The following OXR1 variants were observed in gnomAD, a reference collection of about 807,000 sequenced individuals.
OXR1 encodes the protein oxidation resistance 1, also known as oxidation resistance protein 1.
In OXR1, 41 loss-of-function variants were observed where a neutral mutation model predicts 104.6. The ratio of observed to expected loss-of-function variants is 0.39; its 90% CI spans 0.31 to 0.51. The LOEUF (loss-of-function observed/expected upper bound fraction) is 0.51, where lower values mean the gene tolerates loss of function less well. OXR1 is among the 20% of genes least tolerant of loss of function. The pLI is 0.77. For synonymous variants in OXR1, 348 were observed against 348.4 expected (o/e 1.00, Z 0.01); for missense variants, 955 against 1,031.9 (o/e 0.93, Z 1.02).
At chr8:106,674,220 A>C (rs1234138610) in intron 3 of OXR1, among the ~76,000 whole-genome samples, 1 of 152,212 alleles carries the variant, frequency 6.6e-6, no homozygotes, top group Non-Finnish European at 1.5e-5. Flanking sequence ...GGAACTGCTC[A>C]AGGCCATGGG....
chr8:106,619,702 G>A lies in OXR1; in HGVS notation c.221-59508G>A, dbSNP rs565090112. ...AAAAATTTTTAGTATTAAACATGGA[G>A]CTGTCAACGCTATAAAAATGTATGA... On this transcript the variant is annotated intron_variant, in intron 3 of 16. Coordinates refer to ENST00000517566, the MANE Select transcript of OXR1 (RefSeq NM_001198533.2). 2.2e-4 allele frequency among the ~76,000 whole-genome samples: 34 copies of A among 152,218 alleles called. 1 individual carries two copies. The South Asian group carries it at 7.1e-3, about 32-fold the overall frequency.
intron 3 of OXR1, among the ~76,000 whole-genome samples, chr8:106,617,315 C>T (rs2045788): frequency 0.6 from 91,011 of 151,938 alleles, 28,339 homozygotes; most frequent in African/African-American, 0.79. Context: ...CCCAGCTCCT[C>T]AGGAGGCTGA....
intron 2 of OXR1, among the ~76,000 whole-genome samples, chr8:106,449,522 T>C (rs75029817): frequency 0.022 from 3,378 of 152,298 alleles, 70 homozygotes; most frequent in East Asian, 0.084. Context: ...CCTGCAAAGT[T>C]TGTATTGTTA....
rs1367124392 is a variant in OXR1 at position 106,358,878 on chromosome 8, A to AGT, written c.-138-598_-138-597insGT. ...ATTTAATTCACTAAATAATTTAGTG[A>AGT]ATAATTTAATTCACTAAATAATTTA... On this transcript the variant is annotated intron_variant, in intron 1 of 16. Transcript: ENST00000517566. Among the ~76,000 whole-genome samples, 102 of 152,156 alleles carry AGT rather than the reference A, an allele frequency of 6.7e-4. 1 individual carries two copies. The highest frequency in any genetic ancestry group is 2.4e-4 in the Non-Finnish European group (16 of 67,960).
At chr8:106,643,010 G>A (rs1823787698) in intron 3 of OXR1, among the ~76,000 whole-genome samples, 1 of 152,158 alleles carries the variant, frequency 6.6e-6, no homozygotes, top group African/African-American at 2.4e-5. Flanking sequence ...CATCCTTGAA[G>A]GTGTCAGTTG....
intron 3 of OXR1, among the ~76,000 whole-genome samples, chr8:106,523,563 A>T (rs968099388): frequency 2.0e-5 from 3 of 152,134 alleles, no homozygotes; most frequent in Admixed American, 1.3e-4. Flanking sequence ...TCATTTTTTT[A>T]AAATACAGTC....
At chr8:106,302,548 T>C (rs1813284015) in intron 1 of OXR1, among the ~76,000 whole-genome samples, 1 of 146,356 alleles carries the variant, frequency 6.8e-6, no homozygotes, top group African/African-American at 2.6e-5. Flanking sequence ...ATCGCGCCAG[T>C]GCACTCCAGC....
At chr8:106,500,950 C>G (rs1811770250) in intron 2 of OXR1, among the ~76,000 whole-genome samples, 1 of 152,098 alleles carries the variant, frequency 6.6e-6, no homozygotes, top group Non-Finnish European at 1.5e-5. Context: ...GATAAGTCGT[C>G]TGAAGAAAAC....
intron 1 of OXR1, among the ~76,000 whole-genome samples, chr8:106,336,683 A>G (rs1814981667): frequency 1.3e-5 from 2 of 152,184 alleles, no homozygotes; most frequent in Admixed American, 6.5e-5. Context: ...CAAGCCCCAG[A>G]TATTGACTTC....
intron 2 of OXR1, among the ~76,000 whole-genome samples, chr8:106,504,870 T>C (rs1041467205): frequency 1.3e-5 from 2 of 152,222 alleles, no homozygotes; most frequent in African/African-American, 4.8e-5. Flanking sequence ...TGTTAATGTA[T>C]AATATATTGC....
chr8:106,627,226 C>T (rs1300275304), intron 3 of OXR1, among the ~76,000 whole-genome samples: 1 of 152,154 alleles, frequency 6.6e-6, no homozygotes, highest in Non-Finnish European at 1.5e-5. Context: ...CATAAGAGAA[C>T]ATTCCTTCCA....
chr8:106,516,299 C>T (rs1484189715), intron 2 of OXR1, among the ~76,000 whole-genome samples: 1 of 152,134 alleles, frequency 6.6e-6, no homozygotes, highest in Non-Finnish European at 1.5e-5. Context: ...ATCTCTTTTA[C>T]TGTGCTTGAT....
chr8:106,710,648 A>G lies in OXR1; in HGVS notation c.1651A>G (p.Arg551Gly). The change falls in exon 10 of 17, where the codon AGG becomes GGG. Residue 551 changes from arginine to glycine, a missense_variant. Physicochemically the swap from Arg to Gly is moderately radical, Grantham distance 125. Transcript: ENST00000517566. ...ESSALLKEKQ[R>G]HRLHKFLCLR... ...TTCTGCACTTTTAAAAGAAAAGCAA[A>G]GGCATCGATTACATAAGTTCTTGTG... 1 of 1,588,624 alleles carries G rather than the reference A, an allele frequency of 6.3e-7. No individual in the cohort carries two copies. Among genetic ancestry groups the G allele is most frequent in the Non-Finnish European group, 8.6e-7 (1 of 1,168,700 alleles).
At chr8:106,452,036 A>C (rs1185887502) in intron 2 of OXR1, among the ~76,000 whole-genome samples, 7 of 152,192 alleles carry the variant, frequency 4.6e-5, no homozygotes, top group Admixed American at 4.6e-4. Flanking sequence ...TTGGGGTCCC[A>C]GAGGCTAGCC....
At chr8:106,647,059 T>C (rs528590115) in intron 3 of OXR1, among the ~76,000 whole-genome samples, 1 of 152,352 alleles carries the variant, frequency 6.6e-6, no homozygotes, top group African/African-American at 2.4e-5. Context: ...GGAATAATTC[T>C]ATGGTAAGTT....
rs1586522608 is a variant in OXR1 at position 106,323,484 on chromosome 8, T to C, written c.-138-35992T>C. Among the ~76,000 whole-genome samples the C allele has an allele frequency of 2.6e-5, 4 of 152,122 alleles. No individual in the cohort carries two copies. In the Middle Eastern group the frequency reaches 0.01, roughly 388 times the overall value. On this transcript the variant is annotated intron_variant, in intron 1 of 16. Transcript: ENST00000517566. ...TTCATGACAAAGACAACAAAAGCAA[T>C]TGCAACAAAAGCAAAAATTGACAAG...
Position 106,359,627 on chromosome 8 carries a change from A to T in OXR1, c.14A>T (p.Asn5Ile), listed in dbSNP as rs1332329041. 1 of 1,548,360 alleles carries T rather than the reference A, an allele frequency of 6.5e-7. No individual in the cohort carries two copies. The highest frequency in any genetic ancestry group is 8.7e-7 in the Non-Finnish European group (1 of 1,143,812). The change falls in exon 2 of 17, where the codon AAT becomes ATT. Residue 5 changes from asparagine (N) to isoleucine (I), a missense_variant. Coordinates refer to ENST00000517566, the MANE Select transcript of OXR1 (RefSeq NM_001198533.2). MSVS[N>I]LSWLKKKSQS... ...CAAGTTGCTGCAATGTCTGTGTCTA[A>T]TCTATCATGGTGAGTGAATGGTTTT...
intron 10 of OXR1, 88 bp downstream of exon 10, chr8:106,710,878 A>G: frequency 2.4e-6 from 2 of 830,868 alleles, no homozygotes. Context: ...ATGATAAACT[A>G]TTGAAACATA....
At chr8:106,639,552 G>T (rs1346777852) in intron 3 of OXR1, among the ~76,000 whole-genome samples, 1 of 152,168 alleles carries the variant, frequency 6.6e-6, no homozygotes, top group African/African-American at 2.4e-5. Flanking sequence ...ATTGAGGTAT[G>T]GAGAATACCA....
Sources: allele counts gnomAD v4.1 joint callset (sites outside exome capture counted in the v4.1 genomes callset), GRCh38; gene constraint gnomAD v4.1.1; transcripts MANE v1.5; gene names NCBI Gene and HGNC (gene_info 2026-07-23, HGNC 2026-07-21).